Variants in DOCK8 observed in about 807,000 individuals in gnomAD.
The protein encoded by DOCK8 is dedicator of cytokinesis protein 8.
DOCK8 carries 141 observed loss-of-function variants against 245.6 expected under a neutral mutation model. The observed-to-expected ratio is 0.57, with a 90% CI of 0.50 to 0.66. The LOEUF is 0.66. Ranked by LOEUF, DOCK8 falls within the 30% of genes least tolerant of loss-of-function variation. DOCK8 has a pLI of 0.00. For synonymous variants in DOCK8, 1,168 were observed against 970.2 expected (o/e 1.20, Z -3.79); for missense variants, 2,965 against 2,603.4 (o/e 1.14, Z -3.02).
chr9:256,122 A>G (rs1302063728), intron 1 of DOCK8, among the ~76,000 whole-genome samples: 1 of 152,228 alleles, frequency 6.6e-6, no homozygotes, highest in African/African-American at 2.4e-5. Flanking sequence ...CTAGATAGAA[A>G]TTTTATTAAG....
chr9:294,312 C>G (rs1017157431), intron 4 of DOCK8, among the ~76,000 whole-genome samples: 5 of 152,304 alleles, frequency 3.3e-5, no homozygotes, highest in South Asian at 2.1e-4. Context: ...AGAAATGAAG[C>G]CAGTGTACAT....
rs553012784 is a variant in DOCK8, at chr9:356,479, G to T, written c.1680-11539G>T. On this transcript the variant is annotated intron_variant, in intron 14 of 47. Coordinates refer to ENST00000432829, the MANE Select transcript of DOCK8 (RefSeq NM_203447.4). ...CAGGAGGCAGAGCTTGCAGCGAGGC[G>T]AGATTGCACCACTGCACTCCAGCCT... is the stretch of plus-strand genomic sequence containing the variant. 1.2e-4 allele frequency among the ~76,000 whole-genome samples: 18 copies of T among 149,082 alleles called. 1 individual carries two copies. The South Asian group carries it at 3.8e-3, about 31-fold the overall frequency.
At chr9:383,034 A>G (rs1350873573) in intron 22 of DOCK8, among the ~76,000 whole-genome samples, 1 of 151,616 alleles carries the variant, frequency 6.6e-6, no homozygotes, top group East Asian at 2.0e-4. Flanking sequence ...GTTGCCTTTA[A>G]TTTAGTTTTG....
rs147674310 is a variant in DOCK8 at position 399,081 on chromosome 9, A to G, written c.3121-65A>G. 2,687 of 1,461,816 alleles carry G rather than the reference A, an allele frequency of 1.8e-3. 55 individuals carry two copies. In the African/African-American group the frequency reaches 0.032, roughly 18 times the overall value. The allele number at this position is 1,461,816 out of a possible 1,614,324, so 90.6% of individuals were successfully genotyped here. A position where few individuals can be genotyped will look rare whatever the true frequency, so the allele number is the denominator to read the frequency against. ...ACCTGTCTCTCCCAATGTTCCCACC[A>G]GTGACCTGGAAGTTCAAATCCAGAG... On this transcript the variant is annotated intron_variant, in intron 25 of 47. Transcript: ENST00000432829.
chr9:398,581 T>C (rs931753548), intron 25 of DOCK8, among the ~76,000 whole-genome samples: 2 of 152,198 alleles, frequency 1.3e-5, no homozygotes, highest in Non-Finnish European at 2.9e-5. Context: ...AGCTTATTAA[T>C]TGGGATTCAT....
chr9:358,149 A>T (rs962897346), intron 14 of DOCK8, among the ~76,000 whole-genome samples: 2 of 152,082 alleles, frequency 1.3e-5, no homozygotes, highest in African/African-American at 4.8e-5. Flanking sequence ...CAGTGGCATG[A>T]TCATAGCTCA....
chr9:214,838 GA>G, upstream of DOCK8: 1 of 1,600,726 alleles, frequency 6.2e-7, no homozygotes, highest in Non-Finnish European at 8.5e-7. Context: ...TTAGAAGGTG[GA>G]AATGCGGAAG....
intron 1 of DOCK8, among the ~76,000 whole-genome samples, chr9:264,751 T>G (rs938920671): frequency 6.6e-6 from 1 of 152,206 alleles, no homozygotes; most frequent in Non-Finnish European, 1.5e-5. Flanking sequence ...CATCCAAGAA[T>G]GCATCTCAGA....
chr9:428,322 A>G lies in DOCK8; in HGVS notation c.4339-40A>G, dbSNP rs369174604. 3 of 1,613,416 alleles carry G rather than the reference A, an allele frequency of 1.9e-6. No homozygotes were observed. In the African/African-American group the frequency reaches 4.0e-5, roughly 22 times the overall value. The stretch of plus-strand genomic sequence containing the variant: ...TCAGGAACATCCAGTTCATTGGCAC[A>G]GTGCAGGGATTCAATGATGCTGTTC... On this transcript the variant is annotated intron_variant, in intron 34 of 47. Coordinates refer to ENST00000432829, the MANE Select transcript of DOCK8 (RefSeq NM_203447.4).
intron 1 of DOCK8, among the ~76,000 whole-genome samples, chr9:239,903 G>A (rs1286437793): frequency 6.6e-6 from 1 of 152,036 alleles, no homozygotes; most frequent in Non-Finnish European, 1.5e-5. Flanking sequence ...ACATTCCATT[G>A]TAAGGATACA....
intron 1 of DOCK8, among the ~76,000 whole-genome samples, chr9:266,435 T>C (rs1322818468): frequency 6.6e-6 from 1 of 152,200 alleles, no homozygotes; most frequent in Non-Finnish European, 1.5e-5. Context: ...CAGTGAATCT[T>C]ATGCTTTATT....
intron 25 of DOCK8, among the ~76,000 whole-genome samples, chr9:397,916 G>T (rs1196142583): frequency 6.6e-6 from 1 of 152,148 alleles, no homozygotes; most frequent in African/African-American, 2.4e-5. Context: ...CACCTTTTCT[G>T]TAAGTTTAAA....
chr9:448,012 C>CTTTT (rs111657919), intron 44 of DOCK8, among the ~76,000 whole-genome samples: 1 of 151,486 alleles, frequency 6.6e-6, no homozygotes, highest in East Asian at 2.0e-4. Flanking sequence ...CATTTCAAAA[C>CTTTT]CTTTTCTTTT....
chr9:246,601 A>G (rs558028589), intron 1 of DOCK8, among the ~76,000 whole-genome samples: 1 of 152,280 alleles, frequency 6.6e-6, no homozygotes, highest in East Asian at 1.9e-4. Context: ...AGGGAATGTA[A>G]GAGTATTTAA....
At chr9:413,508 C>G (rs549327049) in intron 28 of DOCK8, among the ~76,000 whole-genome samples, 1 of 151,954 alleles carries the variant, frequency 6.6e-6, no homozygotes, top group South Asian at 2.1e-4. Context: ...AATCAAAAAC[C>G]TAATAGGGGA....
chr9:421,185 T>C, intron 32 of DOCK8, 107 bp downstream of exon 32: 1 of 1,473,288 alleles, frequency 6.8e-7, no homozygotes, highest in Non-Finnish European at 9.5e-7. Flanking sequence ...CTTGAGATAT[T>C]TACGGTAGTG....
rs2057270189 is a variant in DOCK8 at position 446,605 on chromosome 9, A to G, written c.5816A>G (p.Glu1939Gly). 1 of 1,613,924 alleles carries G rather than the reference A, an allele frequency of 6.2e-7. No homozygotes were observed. The highest frequency in any genetic ancestry group is 1.1e-5 in the South Asian group (1 of 91,082). The part of the protein sequence containing the change: ...KTRISVIQKE[E>G]FVLTPIEVAI... ...AGGATCAGCGTCATCCAGAAGGAGGAGGTAATGCACCCAAGGGATTGGCCA... is the reference window on the plus strand; with the variant it reads ...AGGATCAGCGTCATCCAGAAGGAGGGGGTAATGCACCCAAGGGATTGGCCA... The change falls in exon 44 of 48, where the codon GAG becomes GGG. Residue 1939 changes from glutamate to glycine, a missense_variant and splice_region_variant. This residue lies in a region of DOCK8 where 2,825 missense variants were observed against 2,453.5 expected (regional missense o/e 1.15). Coordinates refer to ENST00000432829, the MANE Select transcript of DOCK8 (RefSeq NM_203447.4).
intron 1 of DOCK8, among the ~76,000 whole-genome samples, chr9:216,914 G>A (rs1465468022): frequency 2.0e-5 from 3 of 152,112 alleles, no homozygotes; most frequent in East Asian, 3.9e-4. Context: ...TGATCTGCTT[G>A]CAAATTGGCT....
chr9:413,916 C>G (rs1370461668), intron 28 of DOCK8, among the ~76,000 whole-genome samples: 1 of 152,112 alleles, frequency 6.6e-6, no homozygotes, highest in Non-Finnish European at 1.5e-5. Context: ...CTGAGGTGGG[C>G]AGATCATTTG....
Sources: allele counts gnomAD v4.1 joint callset (sites outside exome capture counted in the v4.1 genomes callset), GRCh38; gene constraint gnomAD v4.1.1; regional missense constraint gnomAD v4.1.1; transcripts MANE v1.5; gene names NCBI Gene and HGNC (gene_info 2026-07-23, HGNC 2026-07-21).